Variants in CPA6 observed in about 807,000 individuals in gnomAD.
The protein encoded by CPA6 is carboxypeptidase A6, also known as carboxypeptidase B.
A neutral mutation model predicts 63.3 loss-of-function variants in CPA6; 58 were observed. That is an observed-to-expected ratio of 0.92 (90% CI 0.74 to 1.14). The LOEUF (loss-of-function observed/expected upper bound fraction) is 1.14, where lower values mean the gene tolerates loss of function less well. CPA6 is among the 50% of genes most tolerant of loss of function. The pLI is 0.00. For synonymous variants in CPA6, 185 were observed against 179.0 expected, an observed-to-expected ratio of 1.03 and a Z score of -0.27; for missense variants, 565 against 526.6, an observed-to-expected ratio of 1.07 and a Z score of -0.71.
chr8:67,683,523 C>T (rs1478413068), intron 1 of CPA6, among the ~76,000 whole-genome samples: 1 of 152,182 alleles, frequency 6.6e-6, no homozygotes, highest in African/African-American at 2.4e-5. Context: ...CCTACTCTGA[C>T]ATACAAGATC....
At chr8:67,652,972 C>T (rs1587672526) in intron 1 of CPA6, among the ~76,000 whole-genome samples, 1 of 151,986 alleles carries the variant, frequency 6.6e-6, no homozygotes, top group South Asian at 2.1e-4. Context: ...AGCCAGTTTT[C>T]CCAGCACCAT....
intron 1 of CPA6, among the ~76,000 whole-genome samples, chr8:67,647,881 T>G (rs1465089926): frequency 2.0e-5 from 3 of 152,018 alleles, no homozygotes; most frequent in Non-Finnish European, 4.4e-5. Context: ...CTAAAAATCA[T>G]TTACTACCCC....
intron 8 of CPA6, among the ~76,000 whole-genome samples, chr8:67,444,711 A>G (rs1810374616): frequency 6.7e-6 from 1 of 149,936 alleles, no homozygotes; most frequent in African/African-American, 2.5e-5. Context: ...TGAACCCGGG[A>G]GACGGAGGTT....
intron 2 of CPA6, among the ~76,000 whole-genome samples, chr8:67,619,037 A>G (rs1340574491): frequency 1.3e-5 from 2 of 152,200 alleles, no homozygotes; most frequent in African/African-American, 4.8e-5. Context: ...CAGCTTTGTA[A>G]CAGCAGTTCT....
intron 8 of CPA6, among the ~76,000 whole-genome samples, chr8:67,475,892 TTC>T (rs1811211634): frequency 1.4e-5 from 1 of 71,470 alleles, no homozygotes; most frequent in Non-Finnish European, 2.8e-5. Flanking sequence ...CTTTCTTTCT[TTC>T]TTTCTTTCTT....
intron 6 of CPA6, among the ~76,000 whole-genome samples, chr8:67,496,501 C>T (rs1209695381): frequency 7.7e-6 from 1 of 129,210 alleles, no homozygotes; most frequent in Non-Finnish European, 1.6e-5. Flanking sequence ...AGTTGTGCAA[C>T]CATCACCACT....
At chr8:67,626,519 G>T (rs925858633) in intron 1 of CPA6, among the ~76,000 whole-genome samples, 2 of 152,096 alleles carry the variant, frequency 1.3e-5, no homozygotes, top group African/African-American at 4.8e-5. Context: ...ATGTCATGAA[G>T]TTCATATTTC....
At chr8:67,448,153 C>G (rs1810472260) in intron 8 of CPA6, among the ~76,000 whole-genome samples, 1 of 152,174 alleles carries the variant, frequency 6.6e-6, no homozygotes, top group African/African-American at 2.4e-5. Context: ...ATTGCTTAAT[C>G]ATGTTCTTAG....
chr8:67,548,055 A>ACTTTT (rs1341875872), intron 2 of CPA6, among the ~76,000 whole-genome samples: 1 of 151,514 alleles, frequency 6.6e-6, no homozygotes, highest in Non-Finnish European at 1.5e-5. Flanking sequence ...AGGGAACTTC[A>ACTTTT]CTTTTCTTTT....
intron 2 of CPA6, among the ~76,000 whole-genome samples, chr8:67,562,830 G>A (rs1470942409): frequency 6.6e-6 from 1 of 152,160 alleles, no homozygotes; most frequent in Non-Finnish European, 1.5e-5. Context: ...ATCCAGAATT[G>A]TGAGAAATTA....
At chr8:67,613,931 G>A (rs1456236279) in intron 2 of CPA6, among the ~76,000 whole-genome samples, 3 of 152,230 alleles carry the variant, frequency 2.0e-5, no homozygotes, top group African/African-American at 4.8e-5. Flanking sequence ...AGAGGAGTTC[G>A]GCTGGTGGGT....
At chr8:67,484,640 T>C in intron 7 of CPA6, 39 bp downstream of exon 7, 1 of 1,062,392 alleles carries the variant, frequency 9.4e-7, no homozygotes, top group Non-Finnish European at 1.5e-6. Context: ...CTATGATTTA[T>C]TTAGTCCTCT....
chr8:67,720,033 T>C (rs540583653), intron 1 of CPA6, among the ~76,000 whole-genome samples: 1 of 151,944 alleles, frequency 6.6e-6, no homozygotes, highest in South Asian at 2.1e-4. Flanking sequence ...TTTAATCACC[T>C]GGGGGCAGGT....
At chr8:67,541,845 C>G (rs550990804) in intron 2 of CPA6, among the ~76,000 whole-genome samples, 1 of 152,310 alleles carries the variant, frequency 6.6e-6, no homozygotes, top group Non-Finnish European at 1.5e-5. Flanking sequence ...CTAACCAGTC[C>G]CAATGAGAGG....
At chr8:67,710,094 C>G (rs1309123177) in intron 1 of CPA6, among the ~76,000 whole-genome samples, 1 of 149,194 alleles carries the variant, frequency 6.7e-6, no homozygotes, top group East Asian at 2.0e-4. Context: ...GCCTGGGCAA[C>G]AGAGCGAGAC....
rs137977485 is a variant in CPA6 at position 67,512,702 on chromosome 8, T to A, written c.318-1047A>T. The stretch of plus-strand genomic sequence containing the variant: ...TTAGAAAGCCCCCCAGTGATTTTCC[T>A]GGGCCTGGCAGGTAGCTAAAAAGCT... On this transcript the variant is annotated intron_variant, in intron 3 of 10. Transcript: ENST00000297770. Among the ~76,000 whole-genome samples, 1,228 of 151,760 alleles carry A rather than the reference T, an allele frequency of 8.1e-3. 17 individuals carry two copies. The highest frequency in any genetic ancestry group is 0.029 in the African/African-American group (1,172 of 41,026).
chr8:67,571,252 G>A (rs1813479197), intron 2 of CPA6, among the ~76,000 whole-genome samples: 1 of 152,156 alleles, frequency 6.6e-6, no homozygotes, highest in Admixed American at 6.5e-5. Flanking sequence ...TTCAATAGCA[G>A]CAGGGGACTT....
chr8:67,428,424 T>C (rs1330666593), intron 9 of CPA6, among the ~76,000 whole-genome samples: 4 of 150,032 alleles, frequency 2.7e-5, no homozygotes, highest in African/African-American at 7.6e-5. Flanking sequence ...TTGAGCTAAG[T>C]ACTCATATTT....
chr8:67,483,689 G>A (rs1181775889), intron 8 of CPA6, 79 bp downstream of exon 8: 1 of 1,130,476 alleles, frequency 8.8e-7, no homozygotes, highest in Non-Finnish European at 1.4e-6. Context: ...TCTCCCATGA[G>A]AGTCCTCTGG....
Sources: allele counts gnomAD v4.1 joint callset (sites outside exome capture counted in the v4.1 genomes callset), GRCh38; gene constraint gnomAD v4.1.1; transcripts MANE v1.5; gene names NCBI Gene and HGNC (gene_info 2026-07-23, HGNC 2026-07-21).